The following AHCY variants were observed in gnomAD, a reference collection of about 807,000 sequenced individuals.
AHCY encodes the protein S-adenosyl-L-homocysteine hydrolase.
In AHCY, 24 loss-of-function variants were observed where a neutral mutation model predicts 45.4. That is an observed-to-expected ratio of 0.53 (90% CI 0.38 to 0.74). The LOEUF (loss-of-function observed/expected upper bound fraction) is 0.74. AHCY is among the 30% of genes least tolerant of loss of function. The pLI is 0.00. For missense variants in AHCY, 449 were observed against 594.1 expected, an observed-to-expected ratio of 0.76 and a Z score of 2.54; for synonymous variants, 245 against 235.1, an observed-to-expected ratio of 1.04 and a Z score of -0.39.
chr20:34,246,604 A>T, the AHCY span: 1 of 661,776 alleles, frequency 1.5e-6, no homozygotes, highest in East Asian at 2.9e-5. Flanking sequence ...CCACAGGCAC[A>T]TGCCACCATG....
chr20:34,290,035 C>T lies in AHCY; in HGVS notation c.972+297G>A, dbSNP rs2036320477. Among the ~76,000 whole-genome samples the T allele has an allele frequency of 6.6e-6, 1 of 152,206 alleles. No individual in the cohort carries two copies. The highest frequency in any genetic ancestry group is 2.1e-4 in the South Asian group (1 of 4,828). ...CCCCTGCAGGGATTCTACGAGCCTC[C>T]TCTAAAAGCCTCTCTCCCCACCACC... On this transcript the variant is annotated intron_variant, in intron 8 of 9. Coordinates refer to ENST00000217426, the MANE Select transcript of AHCY (RefSeq NM_000687.4). This position sits in a 1 kb window ranked among gnomAD's most constrained non-coding sequence, Gnocchi z 4.5.
chr20:34,258,674 C>CATATATAT, the AHCY span, among the ~76,000 whole-genome samples: 20 of 12,154 alleles, frequency 1.6e-3, 4 homozygotes, highest in East Asian at 0.031. Context: ...AGGGGGATGC[C>CATATATAT]ATATATATAT....
At chr20:34,291,016 T>C in intron 5 of AHCY, 78 bp from the exon 6 acceptor site, 1 of 1,446,578 alleles carries the variant, frequency 6.9e-7, no homozygotes, top group South Asian at 1.2e-5. Flanking sequence ...CAGAGTATTC[T>C]GAAGAGCCCA....
rs1291477700 is a variant in AHCY, at chr20:34,294,167, C to T, written c.220-11G>A. 1 of 1,612,446 alleles carries T rather than the reference C, an allele frequency of 6.2e-7. No homozygotes were observed. Among genetic ancestry groups the T allele is most frequent in the Admixed American group, 1.7e-5 (1 of 59,986 alleles). ...GCTGGACCACTGCACCTAGAAGAGC[C>T]ATCAAAACAAGGCTGTTGGTCACTG... On this transcript the variant is annotated splice_polypyrimidine_tract_variant and intron_variant, in intron 2 of 9. Transcript: ENST00000217426.
At chr20:34,298,411 T>C (rs968454057) in intron 1 of AHCY, among the ~76,000 whole-genome samples, 3 of 151,890 alleles carry the variant, frequency 2.0e-5, no homozygotes, top group Admixed American at 6.6e-5. Flanking sequence ...TGAGGGGACA[T>C]AGTGAGGTGT....
At chr20:34,249,576 G>C in the AHCY span, among the ~76,000 whole-genome samples, 1 of 152,168 alleles carries the variant, frequency 6.6e-6, no homozygotes, top group Non-Finnish European at 1.5e-5. Context: ...CGTGCTTAAA[G>C]GGCCAATGGC....
In AHCY at chr20:34,290,653, T is replaced by G. The variant is rs1324838413; in HGVS notation, c.767-15A>C. On this transcript the variant is annotated splice_polypyrimidine_tract_variant and intron_variant, in intron 6 of 9. Coordinates refer to ENST00000217426, the MANE Select transcript of AHCY (RefSeq NM_000687.4). This position sits in a 1 kb window ranked among gnomAD's most constrained non-coding sequence, Gnocchi z 4.5. ...CACCTCATAGCCTGTGCAGAGACAG[T>G]GGCTGTGGGTCATCTACGGTGGCCT... 6.2e-7 allele frequency: 1 copy of G among 1,614,010 alleles called. No homozygotes were observed. Among genetic ancestry groups the G allele is most frequent in the South Asian group, 1.1e-5 (1 of 91,064 alleles).
the AHCY span, among the ~76,000 whole-genome samples, chr20:34,243,614 T>C: frequency 1.3e-5 from 2 of 152,096 alleles, no homozygotes; most frequent in South Asian, 4.2e-4. Flanking sequence ...ACCAACAGAA[T>C]ACATATGTAA....
chr20:34,269,946 T>TAAAAAAAAAAAAAAAAAAAAAAA, the AHCY span, among the ~76,000 whole-genome samples: 12 of 59,234 alleles, frequency 2.0e-4, no homozygotes, highest in African/African-American at 8.1e-4. Context: ...AACTCTGTCT[T>TAAAAAAAAAAAAAAAAAAAAAAA]AAAAAAAAAA....
chr20:34,256,485 G>T, the AHCY span, among the ~76,000 whole-genome samples: 1 of 152,134 alleles, frequency 6.6e-6, no homozygotes, highest in African/African-American at 2.4e-5. Context: ...AAAATTTTTT[G>T]TAGAGATGAG....
At chr20:34,241,519 T>G in the AHCY span, 1 of 985,316 alleles carries the variant, frequency 1.0e-6, no homozygotes, top group East Asian at 1.1e-4. Context: ...TTAATCTGCT[T>G]TCAGGAGTGA....
the AHCY span, among the ~76,000 whole-genome samples, chr20:34,258,005 G>A: frequency 2.0e-5 from 3 of 152,012 alleles, no homozygotes; most frequent in Admixed American, 6.6e-5. Flanking sequence ...TTAGCTGGGC[G>A]TGGTGGCAAG....
chr20:34,244,617 C>T, the AHCY span, among the ~76,000 whole-genome samples: 3 of 152,194 alleles, frequency 2.0e-5, no homozygotes, highest in African/African-American at 7.2e-5. Flanking sequence ...TGCAATTTTT[C>T]ATTATAAATA....
chr20:34,248,011 G>A, the AHCY span, among the ~76,000 whole-genome samples: 8 of 152,296 alleles, frequency 5.3e-5, no homozygotes, highest in African/African-American at 1.7e-4. Flanking sequence ...TTCGAGACCA[G>A]CCTGGCCAAC....
Position 34,311,121 on chromosome 20 carries a change from AAAAC to A in AHCY, c.-57+347_-57+350del, listed in dbSNP as rs1471748650. 7.2e-5 allele frequency among the ~76,000 whole-genome samples: 11 copies of A among 152,358 alleles called. No homozygotes were observed. The South Asian group carries it at 1.2e-3, about 17-fold the overall frequency. On this transcript the variant is annotated intron_variant, in intron 1 of 9. Transcript: ENST00000538132. The stretch of plus-strand genomic sequence containing the variant: ...GGCAACAGAGTGAGACTCTGTCTAA[AAAAC>A]AAACAAAACAACAACAACAACAAAA...
chr20:34,286,104 C>T (rs2036175873), intron 8 of AHCY: 1 of 202,810 alleles, frequency 4.9e-6, no homozygotes, highest in African/African-American at 2.4e-5. Context: ...GACTCTGTCT[C>T]AAAAAACAAA....
At chr20:34,260,185 C>T in the AHCY span, among the ~76,000 whole-genome samples, 1 of 152,072 alleles carries the variant, frequency 6.6e-6, no homozygotes, top group Non-Finnish European at 1.5e-5. Flanking sequence ...CATCTCTCTT[C>T]TCTCTTCTTC....
At chr20:34,252,504 T>A in the AHCY span, among the ~76,000 whole-genome samples, 1 of 152,184 alleles carries the variant, frequency 6.6e-6, no homozygotes, top group African/African-American at 2.4e-5. Flanking sequence ...TTGTTGTCAG[T>A]ATATCTCCCC....
upstream of AHCY, chr20:34,303,390 C>T (rs1035447819): frequency 7.0e-5 from 100 of 1,430,798 alleles, no homozygotes; most frequent in Middle Eastern, 6.9e-4. Flanking sequence ...TAAATATCTT[C>T]CTCGCACTTG....
Sources: allele counts gnomAD v4.1 joint callset (sites outside exome capture counted in the v4.1 genomes callset), GRCh38; gene constraint gnomAD v4.1.1; non-coding constraint Gnocchi (gnomAD v3.1); transcripts MANE v1.5; gene names NCBI Gene and HGNC (gene_info 2026-07-23, HGNC 2026-07-21).